CDCA5: variants seen among roughly 807,000 people sequenced by gnomAD.
CDCA5 encodes the protein sororin.
In CDCA5, 14 loss-of-function variants were observed where a neutral mutation model predicts 25.7. The observed-to-expected ratio is 0.54, with a 90% CI of 0.36 to 0.85. CDCA5 has a LOEUF of 0.85. Ranked by LOEUF, CDCA5 falls within the 40% of genes least tolerant of loss-of-function variation. The pLI, the probability that CDCA5 is intolerant of heterozygous loss-of-function variation, is 0.01. For missense variants in CDCA5, 307 were observed against 324.5 expected (o/e 0.95, Z 0.41); for synonymous variants, 127 against 128.7 (o/e 0.99, Z 0.09).
chr11:65,078,191 G>A lies in CDCA5; in HGVS notation c.*916C>T. On this transcript the variant is annotated 3_prime_UTR_variant, in exon 6 of 6. Transcript: ENST00000275517. ...GGGACTCTTCAACTTTCTCTTCTAG[G>A]GCCAAGTAGACTCGGTGTAACTTAT... is the stretch of plus-strand genomic sequence containing the variant. The A allele has an allele frequency of 1.0e-6, 1 of 985,392 alleles. No individual in the cohort carries two copies. The highest frequency in any genetic ancestry group is 1.2e-6 in the Non-Finnish European group (1 of 829,940). 61.0% of individuals were successfully genotyped at this position (985,392 alleles called of 1,614,324 possible).
At position 65,083,355 on chromosome 11, in the gene CDCA5, T is replaced by G; in HGVS notation, c.243+9A>C. On this transcript the variant is annotated intron_variant, in intron 4 of 5. Coordinates refer to ENST00000275517, the MANE Select transcript of CDCA5 (RefSeq NM_080668.4). Reference sequence around the variant, plus strand: ...TTCTACTTAATTAAGTAGATGAAAGTGAACTCACCCTAGGGCTCCTGCGAG... The same window carrying G: ...TTCTACTTAATTAAGTAGATGAAAGGGAACTCACCCTAGGGCTCCTGCGAG... 6.2e-7 allele frequency: 1 copy of G among 1,614,024 alleles called. No individual in the cohort carries two copies. Among genetic ancestry groups the G allele is most frequent in the Middle Eastern group, 1.7e-4 (1 of 6,060 alleles).
In CDCA5 at chr11:65,083,723, C is replaced by CGGAGCG; in HGVS notation, c.47-1_47insCGCTCC (p.Gly16delinsAlaLeuArg). 1.2e-6 allele frequency: 2 copies of CGGAGCG among 1,610,268 alleles called. No individual in the cohort carries two copies. Among genetic ancestry groups the CGGAGCG allele is most frequent in the Non-Finnish European group, 1.7e-6 (2 of 1,178,802 alleles). ...CTTAGTAGGAGATGGGGCCCTTGGC[C>CGGAGCG]CTGGAAAGAGAAAAAAGTTAAGTGG... On this transcript the variant is annotated protein_altering_variant and splice_region_variant. Coordinates refer to ENST00000275517, the MANE Select transcript of CDCA5 (RefSeq NM_080668.4).
chr11:65,068,612 C>G (rs1342575115), intron 1 of CDCA5: 3 of 1,278,156 alleles, frequency 2.3e-6, no homozygotes, highest in Non-Finnish European at 3.1e-6. Context: ...CTGAGAGAGA[C>G]AGAAGCCTGC....
chr11:65,074,894 T>C (rs976002197), downstream of CDCA5, among the ~76,000 whole-genome samples: 2 of 151,626 alleles, frequency 1.3e-5, no homozygotes, highest in Non-Finnish European at 2.9e-5. Context: ...AAACCCCGTC[T>C]CTTACTAAAA....
chr11:65,067,956 C>A (rs996502167), intron 3 of CDCA5: 15 of 1,080,274 alleles, frequency 1.4e-5, no homozygotes, highest in Non-Finnish European at 1.8e-5. Context: ...CCACCTCCCC[C>A]AGTTTTGTGC....
At chr11:65,082,827 G>T (rs1042376922) in intron 4 of CDCA5, among the ~76,000 whole-genome samples, 1 of 151,716 alleles carries the variant, frequency 6.6e-6, no homozygotes, top group Non-Finnish European at 1.5e-5. Context: ...TGAGCCACAT[G>T]GTCTGGGTTA....
At position 65,079,337 on chromosome 11, in the gene CDCA5, C is replaced by G. The variant is rs1173776250; in HGVS notation, c.678+16G>C. ...CCAGAGCACACGGCAGAGAAAAACC[C>G]CTGCCTCTCACTCACCAAGATCTCT... On this transcript the variant is annotated intron_variant, in intron 5 of 5. Coordinates refer to ENST00000275517, the MANE Select transcript of CDCA5 (RefSeq NM_080668.4). 1.2e-6 allele frequency: 2 copies of G among 1,614,086 alleles called. No individual in the cohort carries two copies. Among genetic ancestry groups the G allele is most frequent in the South Asian group, 1.1e-5 (1 of 91,078 alleles).
chr11:65,061,463 G>T (rs557673626), downstream of CDCA5, among the ~76,000 whole-genome samples: 55 of 152,258 alleles, frequency 3.6e-4, no homozygotes, highest in African/African-American at 1.3e-3. Context: ...GGGCTACTAG[G>T]TTTTGGAGTG....
intron 4 of CDCA5, chr11:65,083,131 G>A: frequency 1.7e-6 from 1 of 578,526 alleles, no homozygotes; most frequent in South Asian, 2.1e-5. Context: ...ACATAGCTCA[G>A]CTTTTAAAGG....
chr11:65,079,803 A>T lies in CDCA5; in HGVS notation c.244-16T>A, dbSNP rs2137130098. ...AAAAGGAAATCTGCACCAGGACAGAAGAGGGGATGCCCTCAATACTTAGCT... is the reference window on the plus strand; with the variant it reads ...AAAAGGAAATCTGCACCAGGACAGATGAGGGGATGCCCTCAATACTTAGCT... On this transcript the variant is annotated splice_polypyrimidine_tract_variant and intron_variant, in intron 4 of 5. Coordinates refer to ENST00000275517, the MANE Select transcript of CDCA5 (RefSeq NM_080668.4). The T allele has an allele frequency of 6.9e-7, 1 of 1,455,512 alleles. No individual in the cohort carries two copies. The highest frequency in any genetic ancestry group is 9.1e-7 in the Non-Finnish European group (1 of 1,101,400). The allele number at this position is 1,455,512 out of a possible 1,614,324, so 90.2% of individuals were successfully genotyped here.
downstream of CDCA5, among the ~76,000 whole-genome samples, chr11:65,076,773 C>A (rs1182443327): frequency 6.6e-6 from 1 of 152,216 alleles, no homozygotes. Context: ...ACAGCACCTG[C>A]TGCTACACAG....
Position 65,077,742 on chromosome 11 carries a change from G to C in CDCA5, c.*1365C>G. On this transcript the variant is annotated 3_prime_UTR_variant, in exon 6 of 6. Transcript: ENST00000275517. ...CAAACCACAGAGCGTTGAGCAGATG[G>C]CCTGGGACTCCCAGACCTGGCAGAG... The C allele has an allele frequency of 1.0e-6, 1 of 985,586 alleles. No individual in the cohort carries two copies. The highest frequency in any genetic ancestry group is 1.2e-6 in the Non-Finnish European group (1 of 830,030). 61.1% of individuals were successfully genotyped at this position (985,586 alleles called of 1,614,324 possible). A position where few individuals can be genotyped will look rare whatever the true frequency, so the allele number is the denominator to read the frequency against.
chr11:65,083,533 T>G lies in CDCA5; in HGVS notation c.159A>C (p.Ala53=), dbSNP rs763710964. 21 of 1,614,114 alleles carry G rather than the reference T, an allele frequency of 1.3e-5. No homozygotes were observed. The South Asian group carries it at 2.3e-4, about 18-fold the overall frequency. The change falls in exon 3 of 6, where the codon GCA becomes GCC. Residue 53 remains alanine, a synonymous_variant. Coordinates refer to ENST00000275517, the MANE Select transcript of CDCA5 (RefSeq NM_080668.4). ...TCTTTAAGACGATGGGCTTTCTGAC[T>G]GCAGCCGCACTGGGTGTCTGGAGAA... ...EIWPKTPSAA[A]VRKPIVLKRI...
downstream of CDCA5, chr11:65,077,393 A>C: frequency 2.2e-6 from 2 of 913,794 alleles, no homozygotes; most frequent in Non-Finnish European, 2.6e-6. Context: ...GATGCAGCCC[A>C]CTGGAGGCCT....
downstream of CDCA5, among the ~76,000 whole-genome samples, chr11:65,064,456 G>T (rs1252614948): frequency 3.4e-5 from 5 of 148,550 alleles, no homozygotes; most frequent in Non-Finnish European, 7.4e-5. Flanking sequence ...GTCTCTCTCT[G>T]TGTCCTTTTA....
At chr11:65,081,089 C>CT (rs1947555334) in intron 4 of CDCA5, among the ~76,000 whole-genome samples, 2 of 152,148 alleles carry the variant, frequency 1.3e-5, no homozygotes, top group African/African-American at 2.4e-5. Context: ...GCCAGTGTGG[C>CT]TGAAGTGAAG....
downstream of CDCA5, among the ~76,000 whole-genome samples, chr11:65,073,383 T>G (rs1483852594): frequency 1.3e-5 from 2 of 152,228 alleles, no homozygotes; most frequent in Non-Finnish European, 2.9e-5. Context: ...GAGCCAGGAT[T>G]CAAACCCAGT....
At chr11:65,080,382 A>G (rs968268292) in intron 4 of CDCA5, among the ~76,000 whole-genome samples, 1 of 152,076 alleles carries the variant, frequency 6.6e-6, no homozygotes, top group Non-Finnish European at 1.5e-5. Context: ...TCAAGCCCTC[A>G]TTAGGTGTCT....
Position 65,079,403 on chromosome 11 carries a change from G to A in CDCA5, c.628C>T (p.Pro210Ser), listed in dbSNP as rs184338337. Residue 210 changes from proline to serine, a missense_variant, in exon 5 of 6, where the codon CCA becomes TCA. Coordinates refer to ENST00000275517, the MANE Select transcript of CDCA5 (RefSeq NM_080668.4). ...TTACGTTTCTGTTTCTCGGGTGGTGGGGAGATTCCAGGGAGAGTCATGTCT... is the reference window on the plus strand; with the variant it reads ...TTACGTTTCTGTTTCTCGGGTGGTGAGGAGATTCCAGGGAGAGTCATGTCT... ...APDMTLPGIS[P>S]PPEKQKRKKK... 6.8e-6 allele frequency: 11 copies of A among 1,614,054 alleles called. No homozygotes were observed. In the Admixed American group the frequency reaches 8.3e-5, roughly 12 times the overall value.
Sources: allele counts gnomAD v4.1 joint callset (sites outside exome capture counted in the v4.1 genomes callset), GRCh38; gene constraint gnomAD v4.1.1; transcripts MANE v1.5; gene names NCBI Gene and HGNC (gene_info 2026-07-23, HGNC 2026-07-21).